The following CLMP variants were observed in gnomAD, a reference collection of about 807,000 sequenced individuals.
CLMP encodes the protein CXADR like cell adhesion molecule, also known as CXADR-like membrane protein.
A neutral mutation model predicts 45.2 loss-of-function variants in CLMP; 27 were observed. The observed-to-expected ratio is 0.60, with a 90% CI of 0.44 to 0.82. The LOEUF (loss-of-function observed/expected upper bound fraction) is 0.82, where lower values mean the gene tolerates loss of function less well. CLMP is among the 40% of genes least tolerant of loss of function. CLMP has a pLI of 0.00. For missense variants in CLMP, 403 were observed against 448.4 expected (o/e 0.90, Z 0.91); for synonymous variants, 167 against 171.4 (o/e 0.97, Z 0.20).
At position 123,133,907 on chromosome 11, in the gene CLMP, G is replaced by A. The variant is rs552977267; in HGVS notation, c.29-35955C>T. ...TCTTCATCAAACCTAGTAAAAACAT[G>A]TCTAACTATTTTTCTGGGGCTTCTT... On this transcript the variant is annotated intron_variant, in intron 1 of 6. Coordinates refer to ENST00000448775, the MANE Select transcript of CLMP (RefSeq NM_024769.5). Among the ~76,000 whole-genome samples, 15 of 152,200 alleles carry A rather than the reference G, an allele frequency of 9.9e-5. 2 individuals are homozygous for A. The South Asian group carries it at 2.7e-3, about 27-fold the overall frequency.
chr11:123,181,720 G>A (rs183757777), intron 1 of CLMP, among the ~76,000 whole-genome samples: 10 of 152,126 alleles, frequency 6.6e-5, no homozygotes, highest in Non-Finnish European at 1.2e-4. Flanking sequence ...GAGATCCCAG[G>A]GAAAACAATA....
chr11:123,076,250 C>T (rs916263319), intron 5 of CLMP, among the ~76,000 whole-genome samples: 1 of 152,166 alleles, frequency 6.6e-6, no homozygotes, highest in East Asian at 1.9e-4. Flanking sequence ...GACATTGGAT[C>T]CTAGAATTTA....
intron 1 of CLMP, among the ~76,000 whole-genome samples, chr11:123,152,428 C>T (rs558171019): frequency 1.3e-5 from 2 of 151,886 alleles, no homozygotes; most frequent in Non-Finnish European, 2.9e-5. Flanking sequence ...GAGGCTGAGG[C>T]AGGAGAATCA....
At chr11:123,087,106 G>A (rs1190086341) in intron 2 of CLMP, among the ~76,000 whole-genome samples, 1 of 152,170 alleles carries the variant, frequency 6.6e-6, no homozygotes, top group African/African-American at 2.4e-5. Flanking sequence ...GGGAGGCCGA[G>A]GTGGGCAGAT....
intron 1 of CLMP, among the ~76,000 whole-genome samples, chr11:123,158,405 G>A (rs570441921): frequency 1.3e-5 from 2 of 152,296 alleles, no homozygotes; most frequent in African/African-American, 2.4e-5. Context: ...ATTCAGGATC[G>A]GCGGAAGGTT....
chr11:123,111,893 A>C (rs1322877232), intron 1 of CLMP, among the ~76,000 whole-genome samples: 1 of 152,222 alleles, frequency 6.6e-6, no homozygotes, highest in African/African-American at 2.4e-5. Context: ...GCAGATGTTT[A>C]CTTTGTTTGT....
chr11:123,089,975 G>A (rs970676521), intron 2 of CLMP, among the ~76,000 whole-genome samples: 7 of 151,304 alleles, frequency 4.6e-5, no homozygotes, highest in African/African-American at 1.7e-4. Context: ...GTGCATGCCT[G>A]TAATCCCAGC....
chr11:123,152,348 C>A (rs1174052453), intron 1 of CLMP, among the ~76,000 whole-genome samples: 2 of 151,796 alleles, frequency 1.3e-5, no homozygotes, highest in Non-Finnish European at 2.9e-5. Context: ...ATGGTAAAAC[C>A]CCGTCTCTAC....
chr11:123,136,315 A>T (rs1435016907), intron 1 of CLMP: 33 of 629,274 alleles, frequency 5.2e-5, no homozygotes, highest in Non-Finnish European at 4.6e-5. Context: ...GCGCATACTC[A>T]GTTAAATCCA....
At chr11:123,085,459 G>A (rs112221133) in intron 2 of CLMP, among the ~76,000 whole-genome samples, 3,722 of 152,010 alleles carry the variant, frequency 0.024, 185 homozygotes, top group East Asian at 0.19. Context: ...ATGTTGGCCA[G>A]GCTGGTCTTG....
At chr11:123,147,513 A>ACAT (rs1861255201) in intron 1 of CLMP, among the ~76,000 whole-genome samples, 1 of 152,162 alleles carries the variant, frequency 6.6e-6, no homozygotes, top group African/African-American at 2.4e-5. Flanking sequence ...TGTGGGCTGA[A>ACAT]GTGATCCTCC....
intron 1 of CLMP, among the ~76,000 whole-genome samples, chr11:123,111,888 T>G (rs1027673996): frequency 6.6e-6 from 1 of 152,212 alleles, no homozygotes; most frequent in African/African-American, 2.4e-5. Context: ...CTGAAGCAGA[T>G]GTTTACTTTG....
chr11:123,147,451 T>G (rs1402363635), intron 1 of CLMP, among the ~76,000 whole-genome samples: 1 of 151,818 alleles, frequency 6.6e-6, no homozygotes, highest in African/African-American at 2.4e-5. Context: ...AAAAAGATAG[T>G]TTTTTCTTTA....
rs1439230608 is a variant in CLMP, at chr11:123,100,011, G to A, written c.29-2059C>T. ...GCAAATGATGGATTTGCGAGGTAAT[G>A]TGATAGTCAAAACTACGGAATATAG... On this transcript the variant is annotated intron_variant, in intron 1 of 6. Transcript: ENST00000448775. 7.2e-5 allele frequency among the ~76,000 whole-genome samples: 11 copies of A among 152,202 alleles called. No individual in the cohort carries two copies. In the East Asian group the frequency reaches 2.1e-3, roughly 29 times the overall value.
chr11:123,165,859 G>C (rs925925306), intron 1 of CLMP, among the ~76,000 whole-genome samples: 2 of 152,188 alleles, frequency 1.3e-5, no homozygotes, highest in African/African-American at 4.8e-5. Context: ...ACCACGGGAA[G>C]CAAGGTGATG....
intron 1 of CLMP, among the ~76,000 whole-genome samples, chr11:123,100,475 T>C (rs1367166305): frequency 6.6e-6 from 1 of 151,680 alleles, no homozygotes; most frequent in Non-Finnish European, 1.5e-5. Context: ...AGGAGTACGA[T>C]GTGTTTTATT....
intron 2 of CLMP, among the ~76,000 whole-genome samples, chr11:123,093,294 T>C (rs1014174054): frequency 6.6e-6 from 1 of 152,112 alleles, no homozygotes; most frequent in Non-Finnish European, 1.5e-5. Flanking sequence ...AGGGATAACA[T>C]GCAGGCAAGC....
At chr11:123,102,530 C>T (rs1191284756) in intron 1 of CLMP, among the ~76,000 whole-genome samples, 5 of 151,184 alleles carry the variant, frequency 3.3e-5, no homozygotes, top group African/African-American at 4.9e-5. Flanking sequence ...CCGCCCACCT[C>T]GGCCTCCCAA....
rs1865686928 is a variant in CLMP at position 123,072,641 on chromosome 11, A to G, written c.*833T>C. Reference sequence around the variant, plus strand: ...ATGACATGTTGTATTTTCTCCTTCCAGAAATATCTAGCAGGAAAGTCCTTA... The same window carrying G: ...ATGACATGTTGTATTTTCTCCTTCCGGAAATATCTAGCAGGAAAGTCCTTA... On this transcript the variant is annotated 3_prime_UTR_variant, in exon 7 of 7. Transcript: ENST00000448775. The G allele has an allele frequency of 6.6e-6, 1 of 152,230 alleles. No individual in the cohort carries two copies. Among genetic ancestry groups the G allele is most frequent in the Non-Finnish European group, 1.5e-5 (1 of 68,038 alleles). The allele number at this position is 152,230 out of a possible 1,614,324, so 9.4% of individuals were successfully genotyped here.
Sources: allele counts gnomAD v4.1 joint callset (sites outside exome capture counted in the v4.1 genomes callset), GRCh38; gene constraint gnomAD v4.1.1; transcripts MANE v1.5; gene names NCBI Gene and HGNC (gene_info 2026-07-23, HGNC 2026-07-21).